EIF4G3: variants seen among roughly 807,000 people sequenced by gnomAD.
EIF4G3 encodes the protein eukaryotic translation initiation factor 4 gamma 3.
EIF4G3 carries 34 observed loss-of-function variants against 186.4 expected under a neutral mutation model. That is an observed-to-expected ratio of 0.18 (90% confidence interval 0.14 to 0.24). The LOEUF is 0.24. Among genes scored for constraint, EIF4G3 ranks in the 10% least tolerant of loss-of-function variants. The probability of loss-of-function intolerance (pLI) is 1.00; values close to 1 mark genes in which losing one functional copy is unlikely to be tolerated. For missense variants in EIF4G3, 1,536 were observed against 1,948.5 expected, an observed-to-expected ratio of 0.79 and a Z score of 3.99; for synonymous variants, 673 against 679.5, an observed-to-expected ratio of 0.99 and a Z score of 0.15.
intron 14 of EIF4G3, among the ~76,000 whole-genome samples, chr1:20,912,845 C>A (rs374225995): frequency 6.6e-6 from 1 of 152,152 alleles, no homozygotes; most frequent in South Asian, 2.1e-4. Context: ...CCTATTCTGT[C>A]CCAAATCACC....
intron 4 of EIF4G3, among the ~76,000 whole-genome samples, chr1:21,024,901 T>TA (rs71569804): frequency 0.11 from 16,434 of 143,034 alleles, 1,192 homozygotes; most frequent in African/African-American, 0.21. Context: ...AAAATAAATT[T>TA]AAAAAAAAAA....
rs576611826 is a variant in EIF4G3, at chr1:21,163,946, A to AT, written c.-272+12228dup. 2.6e-4 allele frequency among the ~76,000 whole-genome samples: 39 copies of AT among 151,642 alleles called. No homozygotes were observed. The South Asian group carries it at 2.9e-3, about 11-fold the overall frequency. ...GCCACCACACCTGGCTAATTTTTGT[A>AT]TTTTTTTAGTAGAGACAGGGTTTCT... is the stretch of plus-strand genomic sequence containing the variant. On this transcript the variant is annotated intron_variant, in intron 2 of 36. Transcript: ENST00000602326.
intron 18 of EIF4G3, 133 bp from the exon 19 acceptor site, chr1:20,886,504 G>T: frequency 1.4e-6 from 1 of 736,114 alleles, no homozygotes; most frequent in Non-Finnish European, 2.1e-6. Context: ...TCAAACTGGA[G>T]GTAATCTTTT....
At chr1:21,089,897 C>T (rs1038998350) in intron 2 of EIF4G3, among the ~76,000 whole-genome samples, 11 of 152,198 alleles carry the variant, frequency 7.2e-5, no homozygotes, top group African/African-American at 2.4e-4. Flanking sequence ...GTGCTTATTA[C>T]CAGTTCTCAC....
chr1:20,969,388 T>C, intron 12 of EIF4G3, 86 bp downstream of exon 12: 1 of 1,502,650 alleles, frequency 6.7e-7, no homozygotes, highest in Non-Finnish European at 9.1e-7. Context: ...AAATGAAAAG[T>C]ACAGAAAGTG....
At chr1:20,916,685 G>A (rs1041022453) in intron 14 of EIF4G3, among the ~76,000 whole-genome samples, 2 of 152,030 alleles carry the variant, frequency 1.3e-5, no homozygotes, top group African/African-American at 4.8e-5. Context: ...AAGTTGGAGG[G>A]CTTAATACTC....
chr1:21,113,146 CAAAAAAAAAAAAA>C (rs5772939), intron 2 of EIF4G3, among the ~76,000 whole-genome samples: 6 of 51,466 alleles, frequency 1.2e-4, no homozygotes, highest in African/African-American at 4.1e-4. Flanking sequence ...GGCCCTATCT[CAAAAAAAAAAAAA>C]AAAAAAAAAA....
At chr1:21,053,105 T>C (rs1373649298) in intron 3 of EIF4G3, among the ~76,000 whole-genome samples, 3 of 150,838 alleles carry the variant, frequency 2.0e-5, no homozygotes, top group African/African-American at 4.9e-5. Flanking sequence ...GGAGCGTCTC[T>C]GCCCGGCCGC....
chr1:20,981,627 TGTATA>T (rs2078143386), intron 8 of EIF4G3, among the ~76,000 whole-genome samples: 1 of 123,900 alleles, frequency 8.1e-6, no homozygotes, highest in Non-Finnish European at 1.7e-5. Context: ...TATACATACA[TGTATA>T]CGCACATACT....
intron 29 of EIF4G3, among the ~76,000 whole-genome samples, chr1:20,841,919 G>C (rs941361233): frequency 7.9e-5 from 12 of 151,800 alleles, no homozygotes; most frequent in Non-Finnish European, 1.6e-4. Context: ...GATGTAGGTA[G>C]GAAGGGTGAT....
intron 14 of EIF4G3, among the ~76,000 whole-genome samples, chr1:20,905,765 T>C (rs1287920156): frequency 1.3e-5 from 2 of 152,082 alleles, no homozygotes; most frequent in Non-Finnish European, 2.9e-5. Flanking sequence ...GGGCAACTTA[T>C]GAATCAATAG....
At chr1:20,963,588 A>G (rs553252325) in intron 12 of EIF4G3, among the ~76,000 whole-genome samples, 5 of 152,286 alleles carry the variant, frequency 3.3e-5, no homozygotes, top group Admixed American at 6.5e-5. Flanking sequence ...TTTCATTACA[A>G]TAATAATTCT....
At chr1:21,000,450 G>A (rs2083247327) in intron 6 of EIF4G3, among the ~76,000 whole-genome samples, 1 of 152,064 alleles carries the variant, frequency 6.6e-6, no homozygotes, top group African/African-American at 2.4e-5. Context: ...CACAGGAAGA[G>A]GCCCTGCCTC....
At chr1:20,867,204 G>T (rs549914402) in intron 20 of EIF4G3, among the ~76,000 whole-genome samples, 1 of 152,326 alleles carries the variant, frequency 6.6e-6, no homozygotes, top group African/African-American at 2.4e-5. Context: ...AGGGCAGCTT[G>T]AGCATTCAGC....
intron 2 of EIF4G3, chr1:21,168,004 C>T: frequency 2.1e-6 from 1 of 470,132 alleles, no homozygotes; most frequent in South Asian, 1.6e-5. Flanking sequence ...GCAGTCATAA[C>T]TTCTAAGCTA....
chr1:20,846,782 C>T (rs2071216797), intron 29 of EIF4G3, among the ~76,000 whole-genome samples: 1 of 152,158 alleles, frequency 6.6e-6, no homozygotes, highest in African/African-American at 2.4e-5. Flanking sequence ...GCATTTGAAC[C>T]CTGGCTCTGC....
chr1:21,173,504 T>C (rs2098033421), intron 2 of EIF4G3, among the ~76,000 whole-genome samples: 2 of 152,016 alleles, frequency 1.3e-5, no homozygotes, highest in Non-Finnish European at 2.9e-5. Context: ...CTGGTCAACA[T>C]GGTGAAACCC....
At chr1:20,925,095 G>A (rs2094787422) in intron 14 of EIF4G3, among the ~76,000 whole-genome samples, 1 of 152,102 alleles carries the variant, frequency 6.6e-6, no homozygotes, top group Non-Finnish European at 1.5e-5. Flanking sequence ...TGGTGTATAT[G>A]CAAGCACATA....
chr1:20,979,060 T>G (rs75124863), intron 10 of EIF4G3, among the ~76,000 whole-genome samples: 2,534 of 152,326 alleles, frequency 0.017, 28 homozygotes, highest in Non-Finnish European at 0.025. Flanking sequence ...GTTGGTTATA[T>G]AACAGATCAA....
Sources: gnomAD v4.1 joint callset for allele counts (sites outside exome capture counted in the v4.1 genomes callset) on GRCh38, gnomAD v4.1.1 for gene constraint, MANE v1.5 for transcripts, NCBI Gene and HGNC (gene_info 2026-07-23, HGNC 2026-07-21) for gene names.